Variants in FAM83F observed in about 807,000 individuals in gnomAD.
The protein encoded by FAM83F is protein FAM83F.
Under a neutral mutation model 42.9 loss-of-function variants are expected in FAM83F, and 45 were observed. That is an observed-to-expected ratio of 1.05 (90% confidence interval 0.83 to 1.35). The LOEUF is 1.35. Ranked by LOEUF, FAM83F falls within the 40% of genes most tolerant of loss-of-function variation. The probability of loss-of-function intolerance (pLI) is 0.00; values close to 1 mark genes in which losing one functional copy is unlikely to be tolerated. For missense variants in FAM83F, 617 were observed against 695.9 expected, an observed-to-expected ratio of 0.89 and a Z score of 1.28; for synonymous variants, 306 against 298.3, an observed-to-expected ratio of 1.03 and a Z score of -0.27.
chr22:40,015,349 AG>A (rs1486140471), intron 1 of FAM83F, among the ~76,000 whole-genome samples: 16 of 152,148 alleles, frequency 1.1e-4, no homozygotes, highest in Non-Finnish European at 2.4e-4. Flanking sequence ...CTTTTCTCGA[AG>A]TCCAGTGATT....
rs964001862 is a variant in FAM83F, at chr22:40,032,912, T to G, written c.*3347T>G. 1 of 152,136 alleles carries G rather than the reference T, an allele frequency of 6.6e-6. No homozygotes were observed. The highest frequency in any genetic ancestry group is 6.6e-5 in the Admixed American group (1 of 15,266). 9.4% of individuals were successfully genotyped at this position (152,136 alleles called of 1,614,324 possible). ...GTTTACTACTGTATTGCTTTTCTCTTTTTCATATTTATTGAGCACCTACTA... is the reference window on the plus strand; with the variant it reads ...GTTTACTACTGTATTGCTTTTCTCTGTTTCATATTTATTGAGCACCTACTA... On this transcript the variant is annotated 3_prime_UTR_variant, in exon 5 of 5. Coordinates refer to ENST00000333407, the MANE Select transcript of FAM83F (RefSeq NM_138435.4).
intron 1 of FAM83F, among the ~76,000 whole-genome samples, chr22:40,015,959 A>G (rs2067490245): frequency 6.6e-6 from 1 of 152,234 alleles, no homozygotes; most frequent in Non-Finnish European, 1.5e-5. Context: ...ATGAATGATT[A>G]TCACAATATC....
Position 40,039,369 on chromosome 22 carries a change from G to A in FAM83F, c.*9804G>A, listed in dbSNP as rs1252021940. 1 of 152,256 alleles carries A rather than the reference G, an allele frequency of 6.6e-6. No individual in the cohort carries two copies. The highest frequency in any genetic ancestry group is 1.9e-4 in the East Asian group (1 of 5,204). The allele number at this position is 152,256 out of a possible 1,614,324, so 9.4% of individuals were successfully genotyped here. A position where few individuals can be genotyped will look rare whatever the true frequency, so the allele number is the denominator to read the frequency against. ...GATCCACCTGCCTCTGCCTCCCAAA[G>A]TGCTGGGAGGATTACAGGCATGAAC... On this transcript the variant is annotated 3_prime_UTR_variant, in exon 5 of 5. Coordinates refer to ENST00000333407, the MANE Select transcript of FAM83F (RefSeq NM_138435.4).
chr22:40,029,013 C>T (rs888019373), intron 4 of FAM83F, among the ~76,000 whole-genome samples: 3 of 151,460 alleles, frequency 2.0e-5, no homozygotes, highest in Non-Finnish European at 4.4e-5. Context: ...AGAGAAGGAC[C>T]GCAGTCTTAC....
At chr22:40,019,761 G>A (rs1031340052) in intron 2 of FAM83F, 126 bp from the exon 3 acceptor site, 48 of 1,314,814 alleles carry the variant, frequency 3.7e-5, no homozygotes, top group East Asian at 1.5e-4. Flanking sequence ...GAAGCAGAGC[G>A]TCTAGTGAAG....
chr22:40,021,288 A>G lies in FAM83F; in HGVS notation c.780-2A>G, dbSNP rs1176756944. On this transcript the variant is annotated splice_acceptor_variant, in intron 3 of 4. Coordinates refer to ENST00000333407, the MANE Select transcript of FAM83F (RefSeq NM_138435.4). LOFTEE classifies it high-confidence loss of function. The surrounding 1 kb of genome is among the most constrained non-coding windows in gnomAD (Gnocchi z 8.7). ...CTTGCTTTTCTGTCCCCACGTTCCCAGGTTCACCTGGAGTTCCTCCCATGT... is the reference window on the plus strand; with the variant it reads ...CTTGCTTTTCTGTCCCCACGTTCCCGGGTTCACCTGGAGTTCCTCCCATGT... The G allele has an allele frequency of 6.5e-7, 1 of 1,533,570 alleles. No homozygotes were observed. The highest frequency in any genetic ancestry group is 2.3e-5 in the East Asian group (1 of 43,788). 95.0% of individuals were successfully genotyped at this position (1,533,570 alleles called of 1,614,324 possible).
At chr22:40,019,402 G>A in intron 2 of FAM83F, 67 bp downstream of exon 2, 2 of 1,476,354 alleles carry the variant, frequency 1.4e-6, no homozygotes, top group Non-Finnish European at 9.4e-7. Flanking sequence ...GCCCCGTCCT[G>A]CAGCTCCCCC....
At chr22:40,025,672 C>A (rs192025339) in intron 4 of FAM83F, among the ~76,000 whole-genome samples, 1 of 152,254 alleles carries the variant, frequency 6.6e-6, no homozygotes, top group Non-Finnish European at 1.5e-5. Flanking sequence ...GAGATCACAC[C>A]AGCCTGGGTG....
rs1454020372 is a variant in FAM83F at position 40,030,548 on chromosome 22, T to G, written c.*983T>G. ...CTTCCAGGTTACACTTTGGCCAGAC[T>G]GGCCTTTGCCTCCTGCGAGAGTCAG... On this transcript the variant is annotated 3_prime_UTR_variant, in exon 5 of 5. Transcript: ENST00000333407. 1.3e-5 allele frequency: 2 copies of G among 152,268 alleles called. No individual in the cohort carries two copies. The highest frequency in any genetic ancestry group is 2.9e-5 in the Non-Finnish European group (2 of 68,084). The allele number at this position is 152,268 out of a possible 1,614,324, so 9.4% of individuals were successfully genotyped here. A position where few individuals can be genotyped will look rare whatever the true frequency, so the allele number is the denominator to read the frequency against.
In FAM83F at chr22:40,030,742, CTG is replaced by C. The variant is rs953146466; in HGVS notation, c.*1180_*1181del. On this transcript the variant is annotated 3_prime_UTR_variant, in exon 5 of 5. Transcript: ENST00000333407. ...GGGAGAAATTGCCAAACTGCAGACT[CTG>C]TGAGCCGGCCCTGCCGGCAGGGCGA... 2.0e-5 allele frequency: 3 copies of C among 152,330 alleles called. No individual in the cohort carries two copies. The highest frequency in any genetic ancestry group is 2.9e-5 in the Non-Finnish European group (2 of 68,128). The allele number at this position is 152,330 out of a possible 1,614,324, so 9.4% of individuals were successfully genotyped here.
intron 1 of FAM83F, among the ~76,000 whole-genome samples, chr22:40,008,463 AG>A (rs1224622551): frequency 2.6e-5 from 4 of 152,326 alleles, no homozygotes; most frequent in African/African-American, 9.6e-5. Context: ...AGCCCTGTAA[AG>A]GCATCACCTC....
intron 4 of FAM83F, among the ~76,000 whole-genome samples, chr22:40,028,521 C>T (rs879721024): frequency 5.9e-5 from 9 of 152,130 alleles, no homozygotes; most frequent in Middle Eastern, 3.2e-3. Flanking sequence ...GACATGGGCT[C>T]CCCGCTCCAG....
chr22:40,021,147 G>GGCC lies in FAM83F; in HGVS notation c.780-143_780-142insGCC. On this transcript the variant is annotated intron_variant, in intron 3 of 4. Coordinates refer to ENST00000333407, the MANE Select transcript of FAM83F (RefSeq NM_138435.4). The surrounding 1 kb of genome is among the most constrained non-coding windows in gnomAD (Gnocchi z 8.7). ...AAGGGAGGCTACGGGTGGGTGGAGG[G>GGCC]AATCAGTCCAGCGTGTGGCCCACAA... is the stretch of plus-strand genomic sequence containing the variant. 1 of 909,016 alleles carries GGCC rather than the reference G, an allele frequency of 1.1e-6. No homozygotes were observed. Among genetic ancestry groups the GGCC allele is most frequent in the Non-Finnish European group, 1.5e-6 (1 of 655,024 alleles). The allele number at this position is 909,016 out of a possible 1,614,324, so 56.3% of individuals were successfully genotyped here. A position where few individuals can be genotyped will look rare whatever the true frequency, so the allele number is the denominator to read the frequency against.
Position 40,015,259 on chromosome 22 carries a change from C to T in FAM83F, c.490-3909C>T, listed in dbSNP as rs533443498. On this transcript the variant is annotated intron_variant, in intron 1 of 4. Transcript: ENST00000333407. ...AGTCTGCTGGCAGAATTCCTTCCTG[C>T]CCAGGGCAAGTCAGTCTTTCTTCTA... is the stretch of plus-strand genomic sequence containing the variant. Among the ~76,000 whole-genome samples the T allele has an allele frequency of 3.3e-5, 5 of 152,314 alleles. No homozygotes were observed. In the East Asian group the frequency reaches 9.6e-4, roughly 29 times the overall value.
intron 4 of FAM83F, among the ~76,000 whole-genome samples, chr22:40,022,448 A>G (rs926040057): frequency 6.6e-6 from 1 of 152,092 alleles, no homozygotes; most frequent in Admixed American, 6.5e-5. Flanking sequence ...TATTGTCAGG[A>G]TCTCACCTGG....
intron 1 of FAM83F, among the ~76,000 whole-genome samples, chr22:40,018,922 C>T (rs2067504992): frequency 6.6e-6 from 1 of 152,170 alleles, no homozygotes; most frequent in Non-Finnish European, 1.5e-5. Context: ...CTGGAAGACC[C>T]CCAGGATGGG....
At chr22:40,002,971 C>T (rs932372816) in intron 1 of FAM83F, among the ~76,000 whole-genome samples, 38 of 152,066 alleles carry the variant, frequency 2.5e-4, no homozygotes, top group Non-Finnish European at 4.6e-4. Flanking sequence ...GGGGGAGATT[C>T]CACCCAGGTC....
intron 4 of FAM83F, among the ~76,000 whole-genome samples, chr22:40,029,042 G>C (rs1249689411): frequency 6.6e-6 from 1 of 151,854 alleles, no homozygotes; most frequent in Non-Finnish European, 1.5e-5. Flanking sequence ...CGGTGGAGCT[G>C]CATGTACTAG....
intron 1 of FAM83F, among the ~76,000 whole-genome samples, chr22:40,014,837 C>G (rs989056105): frequency 5.3e-5 from 8 of 152,194 alleles, no homozygotes; most frequent in African/African-American, 1.9e-4. Context: ...GTTCCTTGCT[C>G]TGTCACATGG....
Sources: allele counts gnomAD v4.1 joint callset (sites outside exome capture counted in the v4.1 genomes callset), GRCh38; gene constraint gnomAD v4.1.1; non-coding constraint Gnocchi (gnomAD v3.1); transcripts MANE v1.5; gene names NCBI Gene and HGNC (gene_info 2026-07-23, HGNC 2026-07-21).